The following IL1RAPL2 variants were observed in gnomAD, a reference collection of about 807,000 sequenced individuals.
The protein encoded by IL1RAPL2 is interleukin 1 receptor accessory protein like 2.
A neutral mutation model predicts 44.1 loss-of-function variants in IL1RAPL2; 3 were observed. That is an observed-to-expected ratio of 0.07 (90% confidence interval 0.03 to 0.18). The LOEUF is 0.18. Ranked by LOEUF, IL1RAPL2 falls within the 10% of genes least tolerant of loss-of-function variation. The pLI, the probability that IL1RAPL2 is intolerant of heterozygous loss-of-function variation, is 1.00. For missense variants in IL1RAPL2, 391 were observed against 496.4 expected (o/e 0.79, Z 2.02); for synonymous variants, 181 against 178.8 (o/e 1.01, Z -0.10).
intron 2 of IL1RAPL2, among the ~76,000 whole-genome samples, chrX:104,903,824 C>T (rs1001720567): frequency 1.8e-5 from 2 of 111,391 alleles, no homozygotes; most frequent in Non-Finnish European, 3.8e-5. Context: ...GGCAATCCGC[C>T]AGCCTCAGCC....
chrX:105,605,302 A>C (rs1254004094), intron 6 of IL1RAPL2, among the ~76,000 whole-genome samples: 1 of 111,624 alleles, frequency 9.0e-6, no homozygotes, highest in Non-Finnish European at 1.9e-5. Context: ...ATTTCTATAC[A>C]CCAATAATGA....
intron 2 of IL1RAPL2, among the ~76,000 whole-genome samples, chrX:104,881,257 C>G (rs924299379): frequency 9.0e-6 from 1 of 111,419 alleles, no homozygotes; most frequent in Non-Finnish European, 1.9e-5. Flanking sequence ...TTTACAATTA[C>G]GTTCTTTGCT....
At chrX:104,877,092 G>T (rs1922926778) in intron 2 of IL1RAPL2, among the ~76,000 whole-genome samples, 2 of 110,737 alleles carry the variant, frequency 1.8e-5, no homozygotes, top group African/African-American at 6.6e-5. Context: ...GTATTCCATG[G>T]TGTATATGTG....
intron 1 of IL1RAPL2, among the ~76,000 whole-genome samples, chrX:104,599,260 A>G (rs1380062477): frequency 9.2e-6 from 1 of 109,179 alleles, no homozygotes; most frequent in Non-Finnish European, 1.9e-5. Flanking sequence ...TTTTTAAATA[A>G]TTAATTTATT....
chrX:105,495,475 G>A (rs2036350549), intron 6 of IL1RAPL2, among the ~76,000 whole-genome samples: 1 of 112,199 alleles, frequency 8.9e-6, no homozygotes. Flanking sequence ...ATATTGAAAT[G>A]TGGTGTACAT....
At chrX:104,731,867 A>T (rs1010849253) in intron 2 of IL1RAPL2, among the ~76,000 whole-genome samples, 5 of 111,971 alleles carry the variant, frequency 4.5e-5, no homozygotes, top group Non-Finnish European at 7.5e-5. Flanking sequence ...TAATTAGAGA[A>T]AATACTTTTT....
intron 5 of IL1RAPL2, among the ~76,000 whole-genome samples, chrX:105,333,004 G>A (rs1165604133): frequency 9.0e-6 from 1 of 111,043 alleles, no homozygotes; most frequent in Admixed American, 9.6e-5. Context: ...CACAGAAATA[G>A]AAAAAAAGTA....
chrX:105,072,460 T>A (rs974283341), intron 2 of IL1RAPL2, among the ~76,000 whole-genome samples: 3 of 110,846 alleles, frequency 2.7e-5, no homozygotes, highest in Admixed American at 9.6e-5. Context: ...TGGAACAGTT[T>A]GGAGGGCTCA....
chrX:105,241,622 T>C (rs1556208347), intron 4 of IL1RAPL2, among the ~76,000 whole-genome samples: 1 of 112,008 alleles, frequency 8.9e-6, no homozygotes, highest in Non-Finnish European at 1.9e-5. Flanking sequence ...TTATAACCCA[T>C]TACAAATTTT....
At chrX:105,697,293 C>CAAAA (rs1308596758) in intron 6 of IL1RAPL2, among the ~76,000 whole-genome samples, 26 of 76,972 alleles carry the variant, frequency 3.4e-4, no homozygotes, top group African/African-American at 1.1e-3. Flanking sequence ...CAACATAGCT[C>CAAAA]AAAAAAAAAA....
chrX:105,094,314 G>T (rs186483207), intron 2 of IL1RAPL2, among the ~76,000 whole-genome samples: 1 of 111,657 alleles, frequency 9.0e-6, no homozygotes, highest in East Asian at 2.8e-4. Context: ...TGTTTCCAGA[G>T]ACCAAAGAAA....
At chrX:104,817,250 G>A (rs1010775139) in intron 2 of IL1RAPL2, among the ~76,000 whole-genome samples, 2 of 112,565 alleles carry the variant, frequency 1.8e-5, no homozygotes, top group African/African-American at 3.2e-5. Flanking sequence ...GCCAAACAAG[G>A]TAGGCCAGAT....
chrX:104,951,050 G>C (rs966040251), intron 2 of IL1RAPL2, among the ~76,000 whole-genome samples: 1 of 111,669 alleles, frequency 9.0e-6, no homozygotes, highest in Non-Finnish European at 1.9e-5. Context: ...CTCAGGGTGC[G>C]TGCACCCACT....
intron 2 of IL1RAPL2, among the ~76,000 whole-genome samples, chrX:104,874,793 A>G (rs1192162880): frequency 9.0e-6 from 1 of 111,629 alleles, no homozygotes; most frequent in Non-Finnish European, 1.9e-5. Flanking sequence ...AGATTCTGTC[A>G]TTTAAAATTT....
At chrX:104,963,538 C>T (rs1171002010) in intron 2 of IL1RAPL2, among the ~76,000 whole-genome samples, 1 of 111,748 alleles carries the variant, frequency 8.9e-6, no homozygotes, top group Non-Finnish European at 1.9e-5. Flanking sequence ...AATTAGAAGT[C>T]ACCCCTGGAT....
chrX:104,683,009 C>T (rs968049651), intron 2 of IL1RAPL2, among the ~76,000 whole-genome samples: 3 of 111,729 alleles, frequency 2.7e-5, no homozygotes, highest in Non-Finnish European at 3.8e-5. Flanking sequence ...TTTGGCCTGA[C>T]ATTGCTTCTG....
At chrX:105,157,141 T>TA (rs2033276791) in intron 2 of IL1RAPL2, among the ~76,000 whole-genome samples, 1 of 109,852 alleles carries the variant, frequency 9.1e-6, no homozygotes, top group African/African-American at 3.3e-5. Flanking sequence ...TTCCTTTTTT[T>TA]AAAAAAAGCA....
intron 2 of IL1RAPL2, among the ~76,000 whole-genome samples, chrX:104,825,267 C>T (rs958652367): frequency 2.7e-5 from 3 of 111,832 alleles, no homozygotes; most frequent in African/African-American, 9.7e-5. Flanking sequence ...TAAGGTATGG[C>T]CCTGATAGCA....
intron 7 of IL1RAPL2, among the ~76,000 whole-genome samples, chrX:105,724,334 C>A (rs182784557): frequency 1.8e-5 from 2 of 111,095 alleles, no homozygotes; most frequent in East Asian, 2.9e-4. Context: ...CATTTTAGAT[C>A]AAATCCTGTC....
Sources: allele counts gnomAD v4.1 joint callset (sites outside exome capture counted in the v4.1 genomes callset), GRCh38; gene constraint gnomAD v4.1.1; transcripts MANE v1.5; gene names NCBI Gene and HGNC (gene_info 2026-07-23, HGNC 2026-07-21).